Variants in SLC22A24 observed in about 807,000 individuals in gnomAD.
SLC22A24 encodes the protein solute carrier family 22 member 24.
SLC22A24 carries 53 observed loss-of-function variants against 49.8 expected under a neutral mutation model. The ratio of observed to expected loss-of-function variants is 1.06; its 90% CI spans 0.85 to 1.34. SLC22A24 has a LOEUF of 1.34. Among genes scored for constraint, SLC22A24 ranks in the 40% most tolerant of loss-of-function variants. SLC22A24 has a pLI of 0.00. For missense variants in SLC22A24, 786 were observed against 675.9 expected (o/e 1.16, Z -1.81); for synonymous variants, 302 against 256.4 (o/e 1.18, Z -1.70).
At chr11:63,120,601 C>T (rs55643348) in intron 2 of SLC22A24, among the ~76,000 whole-genome samples, 3,961 of 152,064 alleles carry the variant, frequency 0.026, 143 homozygotes, top group African/African-American at 0.089. Context: ...TAGAAAAGAG[C>T]AGTATGTGTG....
chr11:63,093,592 A>G (rs982947573), intron 6 of SLC22A24, among the ~76,000 whole-genome samples: 1 of 152,292 alleles, frequency 6.6e-6, no homozygotes, highest in African/African-American at 2.4e-5. Context: ...TAATGCAGAA[A>G]CAGAAAACAA....
chr11:63,143,342 A>G (rs771471708), intron 1 of SLC22A24, 36 bp downstream of exon 1: 54 of 1,418,292 alleles, frequency 3.8e-5, no homozygotes, highest in Non-Finnish European at 4.6e-5. Context: ...AAACACTTTA[A>G]TCATATAAAC....
chr11:63,137,869 A>G (rs1278519797), intron 1 of SLC22A24: 20 of 152,238 alleles, frequency 1.3e-4, no homozygotes, highest in African/African-American at 4.8e-4. Context: ...CTGATATACC[A>G]GCAAAAAGGG....
At position 63,118,965 on chromosome 11, in the gene SLC22A24, G is replaced by A; in HGVS notation, c.777C>T (p.His259=). ...GGLAFAIQDW[H]ILQLTVSTPI... is the part of the protein sequence containing the mutation. The stretch of plus-strand genomic sequence containing the variant: ...GTGTAGACACAGTCAGTTGCAATAT[G>A]TGCCAGTCCTGAATGGCAAAAGCCA... Residue 259 remains histidine, a synonymous_variant, in exon 4 of 10, where the codon CAC becomes CAT. Coordinates refer to ENST00000612278, the MANE Select transcript of SLC22A24 (RefSeq NM_001136506.2). The A allele has an allele frequency of 1.3e-6, 2 of 1,551,986 alleles. No homozygotes were observed. The highest frequency in any genetic ancestry group is 2.4e-5 in the South Asian group (2 of 84,052).
intron 2 of SLC22A24, among the ~76,000 whole-genome samples, chr11:63,132,360 C>T (rs953987255): frequency 6.6e-6 from 1 of 152,170 alleles, no homozygotes; most frequent in African/African-American, 2.4e-5. Flanking sequence ...GGAGAAGAGG[C>T]ACTCTGGTTT....
intron 7 of SLC22A24, among the ~76,000 whole-genome samples, chr11:63,082,324 T>C (rs536474407): frequency 1.3e-4 from 20 of 152,288 alleles, no homozygotes; most frequent in African/African-American, 4.3e-4. Context: ...CTGGGAACCA[T>C]TGACACTGAA....
At chr11:63,107,717 T>C (rs1352762590) in intron 4 of SLC22A24, among the ~76,000 whole-genome samples, 7 of 152,318 alleles carry the variant, frequency 4.6e-5, no homozygotes, top group East Asian at 3.9e-4. Flanking sequence ...AGTTCACTCA[T>C]GATATGGCTC....
At chr11:63,102,122 A>G (rs929476595) in intron 5 of SLC22A24, among the ~76,000 whole-genome samples, 42 of 152,156 alleles carry the variant, frequency 2.8e-4, no homozygotes, top group African/African-American at 9.9e-4. Context: ...AAGAAAGGAT[A>G]ACTGCTTGAG....
At chr11:63,090,647 C>T (rs2087014491) in intron 6 of SLC22A24, among the ~76,000 whole-genome samples, 1 of 103,988 alleles carries the variant, frequency 9.6e-6, no homozygotes, top group Non-Finnish European at 2.1e-5. Context: ...AGTTCTTTGC[C>T]CCAGAACTTA....
At chr11:63,102,430 C>G (rs145606106) in intron 5 of SLC22A24, among the ~76,000 whole-genome samples, 10 of 152,214 alleles carry the variant, frequency 6.6e-5, no homozygotes, top group African/African-American at 2.4e-4. Context: ...ATGCACTGGT[C>G]TGTCACCCAT....
chr11:63,108,552 G>C (rs79368016), intron 4 of SLC22A24, among the ~76,000 whole-genome samples: 4,883 of 152,160 alleles, frequency 0.032, 295 homozygotes, highest in African/African-American at 0.11. Flanking sequence ...CTGTGAACTT[G>C]TCTGCTTCTG....
At chr11:63,112,791 A>G (rs768530148) in intron 4 of SLC22A24, among the ~76,000 whole-genome samples, 9 of 151,710 alleles carry the variant, frequency 5.9e-5, no homozygotes, top group Non-Finnish European at 8.8e-5. Context: ...AGGCAGGTGG[A>G]TCACGAGGTC....
chr11:63,114,878 C>T (rs191397773), intron 4 of SLC22A24, among the ~76,000 whole-genome samples: 210 of 152,338 alleles, frequency 1.4e-3, no homozygotes, highest in African/African-American at 4.8e-3. Flanking sequence ...GCCTGGGTAT[C>T]ACCAGTGGAG....
chr11:63,108,036 T>C (rs983278472), intron 4 of SLC22A24, among the ~76,000 whole-genome samples: 2 of 152,100 alleles, frequency 1.3e-5, no homozygotes, highest in East Asian at 1.9e-4. Flanking sequence ...ATGCTTCCAG[T>C]TTTTGCCCAT....
chr11:63,137,520 G>T (rs529838325), intron 1 of SLC22A24, among the ~76,000 whole-genome samples: 1 of 152,276 alleles, frequency 6.6e-6, no homozygotes, highest in Admixed American at 6.5e-5. Flanking sequence ...AATTACATTT[G>T]CAGGTTATCT....
intron 6 of SLC22A24, among the ~76,000 whole-genome samples, chr11:63,091,160 A>G (rs1243538007): frequency 6.6e-6 from 1 of 152,228 alleles, no homozygotes; most frequent in African/African-American, 2.4e-5. Flanking sequence ...TCTAGAAGAA[A>G]TGAATAAATT....
chr11:63,093,392 C>T (rs746241813), intron 6 of SLC22A24, among the ~76,000 whole-genome samples: 6 of 152,036 alleles, frequency 3.9e-5, no homozygotes, highest in Non-Finnish European at 5.9e-5. Context: ...CACATGCACA[C>T]GTATGTTTAT....
In SLC22A24 at chr11:63,138,849, C is replaced by G. The variant is rs550765559; in HGVS notation, c.403-4081G>C. 1.4e-4 allele frequency among the ~76,000 whole-genome samples: 22 copies of G among 152,048 alleles called. No individual in the cohort carries two copies. The East Asian group carries it at 3.9e-3, about 27-fold the overall frequency. On this transcript the variant is annotated intron_variant, in intron 1 of 9. Coordinates refer to ENST00000612278, the MANE Select transcript of SLC22A24 (RefSeq NM_001136506.2). ...TGCCATTTAATAAGGTTTTTTCCCC[C>G]CCATGGATAGCTTTTGATTTCCTCT...
Position 63,118,938 on chromosome 11 carries a change from G to T in SLC22A24, c.804C>A (p.Pro268=), listed in dbSNP as rs1440988569. The T allele has an allele frequency of 6.4e-7, 1 of 1,552,050 alleles. No individual in the cohort carries two copies. Among genetic ancestry groups the T allele is most frequent in the Non-Finnish European group, 8.7e-7 (1 of 1,147,044 alleles). ...WHILQLTVST[P]IIVLFLSSWK... is the part of the protein sequence containing the mutation. ...AAGAGGACAAGAAGAGGACAATTAT[G>T]GGTGTAGACACAGTCAGTTGCAATA... The change falls in exon 4 of 10, where the codon CCC becomes CCA. Residue 268 remains proline, a synonymous_variant. Transcript: ENST00000612278.
Sources: gnomAD v4.1 joint callset for allele counts (sites outside exome capture counted in the v4.1 genomes callset) on GRCh38, gnomAD v4.1.1 for gene constraint, MANE v1.5 for transcripts, NCBI Gene and HGNC (gene_info 2026-07-23, HGNC 2026-07-21) for gene names.